SYT16: variants seen among roughly 807,000 people sequenced by gnomAD.
SYT16 encodes synaptotagmin-16.
In SYT16, 42 loss-of-function variants were observed where a neutral mutation model predicts 61.4. That is an observed-to-expected ratio of 0.68 (90% CI 0.53 to 0.89). The LOEUF (loss-of-function observed/expected upper bound fraction) is 0.89, where lower values mean the gene tolerates loss of function less well. Ranked by LOEUF, SYT16 falls within the 40% of genes least tolerant of loss-of-function variation. The pLI is 0.00. For missense variants in SYT16, 804 were observed against 807.3 expected, an observed-to-expected ratio of 1.00 and a Z score of 0.05; for synonymous variants, 314 against 302.3, an observed-to-expected ratio of 1.04 and a Z score of -0.40.
intron 1 of SYT16, chr14:61,864,818 T>C (rs1271043046): frequency 8.1e-6 from 8 of 986,540 alleles, no homozygotes; most frequent in African/African-American, 1.6e-5. Context: ...AATCACAGTC[T>C]ACCATTATGA....
chr14:62,112,048 G>A lies in SYT16; in HGVS notation c.*11341G>A, dbSNP rs1440076432. The A allele has an allele frequency of 1.3e-5, 2 of 152,078 alleles. No individual in the cohort carries two copies. Among genetic ancestry groups the A allele is most frequent in the African/African-American group, 4.8e-5 (2 of 41,446 alleles). 9.4% of individuals were successfully genotyped at this position (152,078 alleles called of 1,614,324 possible). ...GAAATTTTTTAATTGTTAAAAACTG[G>A]AATACCTTTCTACCTTTTGTAGTCT... On this transcript the variant is annotated 3_prime_UTR_variant, in exon 8 of 8. Coordinates refer to ENST00000683842, the MANE Select transcript of SYT16 (RefSeq NM_001367656.1).
intron 1 of SYT16, among the ~76,000 whole-genome samples, chr14:61,964,196 A>G (rs577854331): frequency 6.6e-6 from 1 of 152,296 alleles, no homozygotes; most frequent in African/African-American, 2.4e-5. Context: ...ATGTTTTGCA[A>G]GGCTATAACT....
chr14:62,027,467 C>T (rs2054145404), intron 3 of SYT16, among the ~76,000 whole-genome samples: 1 of 152,210 alleles, frequency 6.6e-6, no homozygotes, highest in African/African-American at 2.4e-5. Context: ...AAAGCTTTTA[C>T]ATCCAGACAG....
At chr14:61,947,684 T>C (rs2050501483) in intron 1 of SYT16, among the ~76,000 whole-genome samples, 1 of 152,174 alleles carries the variant, frequency 6.6e-6, no homozygotes. Flanking sequence ...ATCAGGAATA[T>C]GATGATGAAT....
intron 1 of SYT16, among the ~76,000 whole-genome samples, chr14:61,921,794 C>T (rs2049344632): frequency 6.6e-6 from 1 of 152,194 alleles, no homozygotes; most frequent in South Asian, 2.1e-4. Context: ...AGGCTGTCAC[C>T]TATGGGGCAA....
At chr14:62,058,033 G>T (rs1251821137) in intron 3 of SYT16, among the ~76,000 whole-genome samples, 1 of 152,058 alleles carries the variant, frequency 6.6e-6, no homozygotes, top group East Asian at 1.9e-4. Flanking sequence ...GTTATATAAT[G>T]CACATTCTTT....
chr14:62,107,778 A>G lies in SYT16; in HGVS notation c.*7071A>G, dbSNP rs2057539020. The G allele has an allele frequency of 1.3e-5, 2 of 152,306 alleles. No individual in the cohort carries two copies. Among genetic ancestry groups the G allele is most frequent in the South Asian group, 2.1e-4 (1 of 4,828 alleles). 9.4% of individuals were successfully genotyped at this position (152,306 alleles called of 1,614,324 possible). ...TTCAAAATAAATGGATATGTTTTGT[A>G]TCTGGGGGAGGAAATGCATCATTCC... On this transcript the variant is annotated 3_prime_UTR_variant, in exon 8 of 8. Coordinates refer to ENST00000683842, the MANE Select transcript of SYT16 (RefSeq NM_001367656.1).
intron 1 of SYT16, among the ~76,000 whole-genome samples, chr14:61,930,586 C>T (rs2140424973): frequency 6.6e-6 from 1 of 152,138 alleles, no homozygotes. Flanking sequence ...CCGAATAGTG[C>T]CCCACATCCC....
Position 61,869,980 on chromosome 14 carries a change from CAAT to C in SYT16, c.-325+57172_-325+57174del, listed in dbSNP as rs548892073. 3.3e-4 allele frequency among the ~76,000 whole-genome samples: 50 copies of C among 152,208 alleles called. 1 individual carries two copies. The highest frequency in any genetic ancestry group is 1.1e-3 in the African/African-American group (47 of 41,530). The stretch of plus-strand genomic sequence containing the variant: ...AGCCCAAATTGACCAAGATACACAA[CAAT>C]ATGTTATTATCTTTGCTTTAGAAGT... On this transcript the variant is annotated intron_variant, in intron 1 of 7. Coordinates refer to ENST00000683842, the MANE Select transcript of SYT16 (RefSeq NM_001367656.1).
At chr14:61,991,651 C>A (rs1367648298) in intron 2 of SYT16, among the ~76,000 whole-genome samples, 1 of 152,126 alleles carries the variant, frequency 6.6e-6, no homozygotes, top group African/African-American at 2.4e-5. Flanking sequence ...TAGAATATAG[C>A]AACTGGACAC....
intron 1 of SYT16, among the ~76,000 whole-genome samples, chr14:61,830,378 T>A (rs2045900980): frequency 6.6e-6 from 1 of 152,242 alleles, no homozygotes; most frequent in Non-Finnish European, 1.5e-5. Flanking sequence ...TCAAAATTCA[T>A]GTCTTATTCA....
chr14:62,084,210 G>T lies in SYT16; in HGVS notation c.1449G>T (p.Pro483=). The T allele has an allele frequency of 6.2e-7, 1 of 1,613,636 alleles. No individual in the cohort carries two copies. The highest frequency in any genetic ancestry group is 8.5e-7 in the Non-Finnish European group (1 of 1,179,756). ...PRSNISSGGS[P]LSPSAVSHSD... ...TTCCCCTCCAGAGTGGAGGGTCTCC[G>T]CTCAGCCCATCTGCGGTTTCTCACA... The change falls in exon 7 of 8, where the codon CCG becomes CCT. Residue 483 remains proline (P), a synonymous_variant. Coordinates refer to ENST00000683842, the MANE Select transcript of SYT16 (RefSeq NM_001367656.1).
Position 62,000,098 on chromosome 14 carries a change from G to GGTTTTTTTTT in SYT16, c.523+3556_523+3557insGTTTTTTTTT, listed in dbSNP as rs1566751979. 2.5e-4 allele frequency among the ~76,000 whole-genome samples: 9 copies of GGTTTTTTTTT among 35,512 alleles called. 1 individual carries two copies. Among genetic ancestry groups the GGTTTTTTTTT allele is most frequent in the African/African-American group, 3.7e-4 (2 of 5,378 alleles). The allele number at this position is 35,512 out of a possible 152,430, so 23.3% of individuals were successfully genotyped here. A position where few individuals can be genotyped will look rare whatever the true frequency, so the allele number is the denominator to read the frequency against. Reference sequence around the variant, plus strand: ...TTTTCTAATACTTATTTTGTCTCTCGATTTTTTTTTTTTTTTTTTTTTTTT... The same window carrying GGTTTTTTTTT: ...TTTTCTAATACTTATTTTGTCTCTCGGTTTTTTTTTATTTTTTTTTTTTTTTTTTTTTTTT... On this transcript the variant is annotated intron_variant, in intron 3 of 7. Coordinates refer to ENST00000683842, the MANE Select transcript of SYT16 (RefSeq NM_001367656.1).
chr14:61,958,419 T>C (rs1437043920), intron 1 of SYT16, among the ~76,000 whole-genome samples: 1 of 151,964 alleles, frequency 6.6e-6, no homozygotes, highest in Non-Finnish European at 1.5e-5. Context: ...GCTTTAAACT[T>C]CTCTTCTAGT....
chr14:61,897,755 G>C (rs941392887), intron 1 of SYT16, among the ~76,000 whole-genome samples: 3 of 152,088 alleles, frequency 2.0e-5, no homozygotes, highest in African/African-American at 7.2e-5. Context: ...CCATCTGGGA[G>C]ATAAAAGAAA....
chr14:61,932,766 A>C (rs978359587), intron 1 of SYT16, among the ~76,000 whole-genome samples: 1 of 152,148 alleles, frequency 6.6e-6, no homozygotes, highest in Non-Finnish European at 1.5e-5. Flanking sequence ...TTTGCTTCAG[A>C]ACTTATCTGC....
chr14:61,879,848 A>T (rs528612712), intron 1 of SYT16, among the ~76,000 whole-genome samples: 1 of 152,326 alleles, frequency 6.6e-6, no homozygotes, highest in East Asian at 1.9e-4. Flanking sequence ...CTGCCTGGCA[A>T]TCCTGCCATC....
At chr14:62,056,879 T>C (rs1171915519) in intron 3 of SYT16, among the ~76,000 whole-genome samples, 2 of 152,148 alleles carry the variant, frequency 1.3e-5, no homozygotes, top group Admixed American at 1.3e-4. Context: ...GACAACACGC[T>C]CTGGACGAGC....
intron 1 of SYT16, among the ~76,000 whole-genome samples, chr14:61,891,939 A>G (rs1219786057): frequency 6.6e-6 from 1 of 152,246 alleles, no homozygotes; most frequent in East Asian, 1.9e-4. Flanking sequence ...TCCCTACAGC[A>G]AATGGCAGGA....
Sources: gnomAD v4.1 joint callset for allele counts (sites outside exome capture counted in the v4.1 genomes callset) on GRCh38, gnomAD v4.1.1 for gene constraint, MANE v1.5 for transcripts, NCBI Gene and HGNC (gene_info 2026-07-23, HGNC 2026-07-21) for gene names.